FAM151A: variants seen among roughly 807,000 people sequenced by gnomAD.
The protein encoded by FAM151A is family with sequence similarity 151 member A.
FAM151A carries 41 observed loss-of-function variants against 40.4 expected under a neutral mutation model. The ratio of observed to expected loss-of-function variants is 1.01; its 90% confidence interval spans 0.79 to 1.32. The LOEUF is 1.32. Among genes scored for constraint, FAM151A ranks in the 40% most tolerant of loss-of-function variants. The probability of loss-of-function intolerance (pLI) is 0.00; values close to 1 mark genes in which losing one functional copy is unlikely to be tolerated. For synonymous variants in FAM151A, 337 were observed against 312.5 expected, an observed-to-expected ratio of 1.08 and a Z score of -0.83; for missense variants, 740 against 740.4, an observed-to-expected ratio of 1.00 and a Z score of 0.01.
intron 6 of FAM151A, chr1:54,611,077 A>G: frequency 2.1e-6 from 2 of 936,830 alleles, no homozygotes; most frequent in Non-Finnish European, 2.5e-6. Flanking sequence ...GTGACTGTAT[A>G]AATTCCTGAA....
rs777122401 is a variant in FAM151A, at chr1:54,611,565, A to C, written c.940+41T>G. The C allele has an allele frequency of 1.4e-5, 23 of 1,607,786 alleles. No individual in the cohort carries two copies. In the East Asian group the frequency reaches 4.9e-4, roughly 34 times the overall value. On this transcript the variant is annotated intron_variant, in intron 6 of 7. Coordinates refer to ENST00000302250, the MANE Select transcript of FAM151A (RefSeq NM_176782.3). The stretch of plus-strand genomic sequence containing the variant: ...GTGCCCACCAGGTGCTGCTCCATGC[A>C]GAATCCAGCCCACACCACCCTTCCC...
Position 54,612,634 on chromosome 1 carries a change from A to T in FAM151A, c.652T>A (p.Ser218Thr). The change falls in exon 5 of 8, where the codon TCC becomes ACC. Residue 218 changes from serine to threonine, a missense_variant. Ser to Thr is a moderately conservative substitution (Grantham distance 58). Transcript: ENST00000302250. Reference protein sequence around the residue: ...PGWTTFYMSTSPNRTYTQAMV... With the variant: ...PGWTTFYMSTTPNRTYTQAMV... ...GCTTGGGTGTACGTCCTGTTTGGGG[A>T]CGTGGACATGTAGAAGGTGGTCCAG... 6.2e-7 allele frequency: 1 copy of T among 1,613,868 alleles called. No individual in the cohort carries two copies. The highest frequency in any genetic ancestry group is 1.1e-5 in the South Asian group (1 of 91,074).
At position 54,610,485 on chromosome 1, in the gene FAM151A, A is replaced by C. The variant is rs1644106232; in HGVS notation, c.1011T>G (p.Asp337Glu). 6.7e-7 allele frequency: 1 copy of C among 1,500,856 alleles called. No individual in the cohort carries two copies. The highest frequency in any genetic ancestry group is 1.1e-5 in the South Asian group (1 of 89,620). The allele number at this position is 1,500,856 out of a possible 1,614,324, so 93.0% of individuals were successfully genotyped here. ...SLIPLLQLPGDDGLNVEWLVP... is the reference protein window; with the variant it reads ...SLIPLLQLPGEDGLNVEWLVP... ...CCAGCCACTCCACATTCAGACCGTC[A>C]TCCCCAGGCAGCTGGAGAAGAGGGA... is the stretch of plus-strand genomic sequence containing the variant. Residue 337 changes from aspartate to glutamate, a missense_variant, in exon 7 of 8, where the codon GAT (aspartate) becomes GAG (glutamate). Asp to Glu is a conservative substitution (Grantham distance 45). Coordinates refer to ENST00000302250, the MANE Select transcript of FAM151A (RefSeq NM_176782.3).
chr1:54,610,365 C>A, intron 7 of FAM151A, 47 bp downstream of exon 7: 2 of 1,599,436 alleles, frequency 1.3e-6, no homozygotes, highest in Non-Finnish European at 1.7e-6. Flanking sequence ...GCAAAGGACA[C>A]CCCTGCAGAT....
chr1:54,615,466 G>A (rs1644163165), intron 3 of FAM151A, among the ~76,000 whole-genome samples: 1 of 152,138 alleles, frequency 6.6e-6, no homozygotes, highest in Non-Finnish European at 1.5e-5. Flanking sequence ...GCGTGTGTGT[G>A]GTCATGGTAG....
chr1:54,613,120 C>T (rs960604813), intron 4 of FAM151A, among the ~76,000 whole-genome samples: 6 of 152,124 alleles, frequency 3.9e-5, no homozygotes, highest in African/African-American at 1.4e-4. Flanking sequence ...TGGCTCACAC[C>T]TGTAATCCCA....
intron 1 of FAM151A, among the ~76,000 whole-genome samples, chr1:54,621,293 C>T (rs1644227983): frequency 6.6e-6 from 1 of 151,854 alleles, no homozygotes; most frequent in Non-Finnish European, 1.5e-5. Context: ...CCCATCTCTA[C>T]TAAAAATAGA....
At chr1:54,614,939 G>GTTGTGT in intron 3 of FAM151A, 80 bp from the exon 4 acceptor site, 1 of 1,210,050 alleles carries the variant, frequency 8.3e-7, no homozygotes, top group South Asian at 1.4e-5. Flanking sequence ...AAGCAGAGCG[G>GTTGTGT]GTGTGTGTGT....
At chr1:54,616,994 G>T (rs1644179681) in intron 2 of FAM151A, among the ~76,000 whole-genome samples, 1 of 152,090 alleles carries the variant, frequency 6.6e-6, no homozygotes, top group Admixed American at 6.5e-5. Flanking sequence ...GTGAGTCTCA[G>T]TGCCCAGCCC....
At position 54,616,016 on chromosome 1, in the gene FAM151A, T is replaced by G. The variant is rs1644169125; in HGVS notation, c.415+4A>C. On this transcript the variant is annotated splice_donor_region_variant and intron_variant, in intron 3 of 7. Coordinates refer to ENST00000302250, the MANE Select transcript of FAM151A (RefSeq NM_176782.3). ...CCGGAGAGGGTTTCCAGAGAGGCCCTTACCCTTTTGGGAAGAGCCCAGCAC... is the reference window on the plus strand; with the variant it reads ...CCGGAGAGGGTTTCCAGAGAGGCCCGTACCCTTTTGGGAAGAGCCCAGCAC... The G allele has an allele frequency of 6.2e-7, 1 of 1,613,300 alleles. No individual in the cohort carries two copies. The highest frequency in any genetic ancestry group is 8.5e-7 in the Non-Finnish European group (1 of 1,179,942).
At position 54,623,172 on chromosome 1, in the gene FAM151A, C is replaced by T. The variant is rs146895806; in HGVS notation, c.118+106G>A. ...AGCCTGGGCAACAAGAGCAAAACTC[C>T]GTCTAAAAAAAAAAAAGGGACTGGT... On this transcript the variant is annotated intron_variant, in intron 1 of 7. Coordinates refer to ENST00000302250, the MANE Select transcript of FAM151A (RefSeq NM_176782.3). 6.4e-4 allele frequency: 475 copies of T among 746,922 alleles called. 2 individuals carry two copies. In the African/African-American group the frequency reaches 7.5e-3, roughly 12 times the overall value. The allele number at this position is 746,922 out of a possible 1,614,324, so 46.3% of individuals were successfully genotyped here.
chr1:54,620,359 C>G (rs760736645), intron 1 of FAM151A, among the ~76,000 whole-genome samples: 1 of 152,182 alleles, frequency 6.6e-6, no homozygotes, highest in Non-Finnish European at 1.5e-5. Flanking sequence ...GTGCAGTTGC[C>G]TGAAGAGCCA....
At position 54,609,406 on chromosome 1, in the gene FAM151A, C is replaced by T. The variant is rs1444691197; in HGVS notation, c.1620G>A (p.Glu540=). Residue 540 remains glutamate, a synonymous_variant, in exon 8 of 8, where the codon GAG becomes GAA. Transcript: ENST00000302250. ...ASSPRATVTV[E]HNPAGGDYAS... ...CATAGTCGCCCCCAGCTGGGTTGTGCTCCACTGTGACGGTGGCCCGGGGGG... is the reference window on the plus strand; with the variant it reads ...CATAGTCGCCCCCAGCTGGGTTGTGTTCCACTGTGACGGTGGCCCGGGGGG... 2 of 1,614,094 alleles carry T rather than the reference C, an allele frequency of 1.2e-6. No individual in the cohort carries two copies. The highest frequency in any genetic ancestry group is 2.2e-5 in the East Asian group (1 of 44,886).
intron 1 of FAM151A, among the ~76,000 whole-genome samples, chr1:54,621,196 C>T (rs1370623054): frequency 6.6e-6 from 1 of 151,426 alleles, no homozygotes; most frequent in Non-Finnish European, 1.5e-5. Flanking sequence ...GCGGCTGACG[C>T]CTGTAATCCC....
At chr1:54,613,769 T>C (rs1644142808) in intron 4 of FAM151A, among the ~76,000 whole-genome samples, 1 of 152,178 alleles carries the variant, frequency 6.6e-6, no homozygotes, top group Non-Finnish European at 1.5e-5. Flanking sequence ...CTTGGGCCAT[T>C]GATTACATTT....
chr1:54,610,686 C>G, intron 6 of FAM151A, 131 bp from the exon 7 acceptor site: 3 of 1,429,768 alleles, frequency 2.1e-6, no homozygotes, highest in Non-Finnish European at 2.7e-6. Flanking sequence ...CCAAGTAGCT[C>G]TCATTTCCTT....
chr1:54,615,053 GAGA>G (rs1376682079), intron 3 of FAM151A, among the ~76,000 whole-genome samples, 194 bp from the exon 4 acceptor site: 2 of 148,366 alleles, frequency 1.3e-5, no homozygotes, highest in Non-Finnish European at 3.0e-5. Flanking sequence ...AGCTAACTCA[GAGA>G]AGAAGGGCCT....
intron 7 of FAM151A, 91 bp downstream of exon 7, chr1:54,610,320 GC>G: frequency 6.5e-7 from 1 of 1,549,484 alleles, no homozygotes; most frequent in Admixed American, 1.9e-5. Context: ...AACCTGTGTT[GC>G]CATGGCAACA....
rs145039416 is a variant in FAM151A, at chr1:54,618,749, G to A, written c.262+1115C>T. Among the ~76,000 whole-genome samples the A allele has an allele frequency of 3.9e-5, 6 of 152,260 alleles. 1 individual carries two copies. Among genetic ancestry groups the A allele is most frequent in the South Asian group, 2.1e-4 (1 of 4,816 alleles). On this transcript the variant is annotated intron_variant, in intron 2 of 7. Transcript: ENST00000302250. ...CAGCTTTACCCATCTGCAGGAGCTC[G>A]CGGTGGCTGTGTGCAGACCGTGAAT... is the stretch of plus-strand genomic sequence containing the variant.
Sources: allele counts gnomAD v4.1 joint callset (sites outside exome capture counted in the v4.1 genomes callset), GRCh38; gene constraint gnomAD v4.1.1; transcripts MANE v1.5; gene names NCBI Gene and HGNC (gene_info 2026-07-23, HGNC 2026-07-21).